The following AAK1 variants were observed in gnomAD, a reference collection of about 807,000 sequenced individuals.
AAK1 encodes AP2-associated protein kinase 1.
A neutral mutation model predicts 116.0 loss-of-function variants in AAK1; 37 were observed. That is an observed-to-expected ratio of 0.32 (90% CI 0.25 to 0.42). The LOEUF is 0.42. AAK1 is among the 10% of genes least tolerant of loss of function. The pLI is 1.00. For missense variants in AAK1, 919 were observed against 1,170.6 expected (o/e 0.79, Z 3.14); for synonymous variants, 458 against 439.9 (o/e 1.04, Z -0.51).
intron 2 of AAK1, among the ~76,000 whole-genome samples, chr2:69,615,923 T>C (rs1674308015): frequency 6.6e-6 from 1 of 152,184 alleles, no homozygotes; most frequent in South Asian, 2.1e-4. Context: ...AATACTAAAA[T>C]GGTAAATTTT....
chr2:69,493,704 A>T (rs1031786003), intron 17 of AAK1, among the ~76,000 whole-genome samples: 3 of 152,306 alleles, frequency 2.0e-5, no homozygotes, highest in Non-Finnish European at 4.4e-5. Context: ...GATAAGGGCT[A>T]TGAAGAAAAA....
rs565011538 is a variant in AAK1 at position 69,471,679 on chromosome 2, T to C, written c.*4190A>G. The C allele has an allele frequency of 1.5e-4, 144 of 985,396 alleles. No homozygotes were observed. The African/African-American group carries it at 2.4e-3, about 16-fold the overall frequency. 61.0% of individuals were successfully genotyped at this position (985,396 alleles called of 1,614,324 possible). ...ACTCTGGGAAATCACAGAAAAACCT[T>C]ATCAAGAGAGACTTTATTTTGGCCC... is the stretch of plus-strand genomic sequence containing the variant. On this transcript the variant is annotated 3_prime_UTR_variant, in exon 22 of 22. Transcript: ENST00000409085.
chr2:69,617,369 A>T (rs943205724), intron 2 of AAK1, among the ~76,000 whole-genome samples: 1 of 152,252 alleles, frequency 6.6e-6, no homozygotes, highest in Admixed American at 6.5e-5. Context: ...TTCTAATCCC[A>T]ATTGAACCTA....
intron 2 of AAK1, among the ~76,000 whole-genome samples, chr2:69,622,723 T>C (rs928301942): frequency 3.3e-5 from 5 of 152,226 alleles, no homozygotes; most frequent in Non-Finnish European, 7.4e-5. Flanking sequence ...AATACACCAA[T>C]TGGCACTCTG....
At chr2:69,625,027 C>T (rs1674831852) in intron 2 of AAK1, among the ~76,000 whole-genome samples, 1 of 152,188 alleles carries the variant, frequency 6.6e-6, no homozygotes, top group African/African-American at 2.4e-5. Flanking sequence ...ATTTCATTAA[C>T]AGTAAGTGTC....
chr2:69,501,339 T>G (rs1572899967), intron 16 of AAK1, among the ~76,000 whole-genome samples: 1 of 151,966 alleles, frequency 6.6e-6, no homozygotes, highest in African/African-American at 2.4e-5. Flanking sequence ...AATGAGAATA[T>G]CATACGAATA....
intron 5 of AAK1, among the ~76,000 whole-genome samples, chr2:69,535,385 G>A (rs758644880): frequency 2.0e-5 from 3 of 146,690 alleles, no homozygotes; most frequent in Non-Finnish European, 3.0e-5. Context: ...AAAGAAACAC[G>A]TTTCAACTCC....
intron 5 of AAK1, 65 bp downstream of exon 5, chr2:69,542,458 T>C (rs1670761719): frequency 6.3e-6 from 10 of 1,583,214 alleles, no homozygotes; most frequent in Non-Finnish European, 7.8e-6. Flanking sequence ...CAGTATCTAC[T>C]CCATCCCTGG....
intron 17 of AAK1, 38 bp from the exon 18 acceptor site, chr2:69,482,850 T>A: frequency 7.6e-7 from 1 of 1,317,860 alleles, no homozygotes. Context: ...AGCAAAAATG[T>A]AGTAAGATAT....
At chr2:69,638,820 A>G (rs1675566699) in intron 2 of AAK1, among the ~76,000 whole-genome samples, 1 of 152,070 alleles carries the variant, frequency 6.6e-6, no homozygotes, top group East Asian at 1.9e-4. Context: ...ATCTTTTACC[A>G]TCTAAGGTAT....
At chr2:69,553,063 T>C (rs1671243589) in intron 3 of AAK1, among the ~76,000 whole-genome samples, 2 of 151,792 alleles carry the variant, frequency 1.3e-5, no homozygotes, top group Non-Finnish European at 2.9e-5. Flanking sequence ...ATATCCAAAT[T>C]ATAGAAATTT....
chr2:69,556,462 G>A (rs1411012313), intron 3 of AAK1, among the ~76,000 whole-genome samples: 4 of 152,178 alleles, frequency 2.6e-5, no homozygotes, highest in Non-Finnish European at 1.5e-5. Context: ...GGATTTTGAA[G>A]AGCTCAGGAG....
chr2:69,497,885 A>T (rs553775140), intron 16 of AAK1, among the ~76,000 whole-genome samples: 2 of 152,174 alleles, frequency 1.3e-5, no homozygotes, highest in Non-Finnish European at 2.9e-5. Flanking sequence ...TAGGCTCCTC[A>T]GTGCTCACCA....
intron 10 of AAK1, among the ~76,000 whole-genome samples, chr2:69,523,553 T>C (rs1158514242): frequency 2.0e-5 from 3 of 152,222 alleles, no homozygotes; most frequent in Admixed American, 2.0e-4. Context: ...CTGCTAGCAC[T>C]TACTCGTGAT....
At chr2:69,544,761 C>G (rs977192951) in intron 3 of AAK1, among the ~76,000 whole-genome samples, 5 of 152,178 alleles carry the variant, frequency 3.3e-5, no homozygotes, top group Non-Finnish European at 7.3e-5. Flanking sequence ...AACCAGAGCA[C>G]ACTCCAGAAC....
chr2:69,482,857 A>T (rs1675147922), intron 17 of AAK1, 45 bp from the exon 18 acceptor site: 1 of 1,234,002 alleles, frequency 8.1e-7, no homozygotes, highest in East Asian at 2.3e-5. Flanking sequence ...ATGTAGTAAG[A>T]TATTAAAGCC....
chr2:69,620,153 T>TA (rs1038116115), intron 2 of AAK1, among the ~76,000 whole-genome samples: 1 of 152,172 alleles, frequency 6.6e-6, no homozygotes, highest in African/African-American at 2.4e-5. Context: ...ACGAAGGCAG[T>TA]AAGAAGTGGT....
chr2:69,633,980 G>A (rs902164460), intron 2 of AAK1, among the ~76,000 whole-genome samples: 2 of 152,140 alleles, frequency 1.3e-5, no homozygotes, highest in Non-Finnish European at 2.9e-5. Flanking sequence ...GACCAGCCTG[G>A]CTAACATGGT....
chr2:69,634,237 A>G (rs1433500303), intron 2 of AAK1, among the ~76,000 whole-genome samples: 1 of 152,194 alleles, frequency 6.6e-6, no homozygotes, highest in East Asian at 1.9e-4. Flanking sequence ...GAAGAATTTT[A>G]AGGAAGAATC....
Sources: allele counts gnomAD v4.1 joint callset (sites outside exome capture counted in the v4.1 genomes callset), GRCh38; gene constraint gnomAD v4.1.1; transcripts MANE v1.5; gene names NCBI Gene and HGNC (gene_info 2026-07-23, HGNC 2026-07-21).